MAGI2: variants seen among roughly 807,000 people sequenced by gnomAD.
The protein encoded by MAGI2 is membrane associated guanylate kinase, WW and PDZ domain containing 2.
MAGI2 carries 35 observed loss-of-function variants against 133.3 expected under a neutral mutation model. The ratio of observed to expected loss-of-function variants is 0.26; its 90% CI spans 0.20 to 0.35. MAGI2 has a LOEUF of 0.35. Ranked by LOEUF, MAGI2 falls within the 10% of genes least tolerant of loss-of-function variation. The probability of loss-of-function intolerance (pLI) is 1.00; values close to 1 mark genes in which losing one functional copy is unlikely to be tolerated. For synonymous variants in MAGI2, 729 were observed against 710.6 expected, an observed-to-expected ratio of 1.03 and a Z score of -0.41; for missense variants, 1,636 against 1,863.4, an observed-to-expected ratio of 0.88 and a Z score of 2.25.
At chr7:79,275,547 A>G (rs1029417230) in intron 1 of MAGI2, among the ~76,000 whole-genome samples, 2 of 152,218 alleles carry the variant, frequency 1.3e-5, no homozygotes, top group Non-Finnish European at 2.9e-5. Context: ...GCAGCAAGTT[A>G]TCTAGAAGAT....
chr7:78,787,960 A>G (rs1394833126), intron 2 of MAGI2, among the ~76,000 whole-genome samples: 2 of 152,240 alleles, frequency 1.3e-5, no homozygotes, highest in Admixed American at 6.5e-5. Context: ...AGAAATGATT[A>G]TAACATAGTC....
chr7:78,867,598 A>G (rs508841), intron 2 of MAGI2, among the ~76,000 whole-genome samples: 94,180 of 146,862 alleles, frequency 0.64, 30,950 homozygotes, highest in East Asian at 0.73. Context: ...GCTAGATGAC[A>G]AGTTAGTGGG....
intron 6 of MAGI2, among the ~76,000 whole-genome samples, chr7:78,417,890 T>C (rs1465594666): frequency 6.6e-6 from 1 of 152,190 alleles, no homozygotes; most frequent in African/African-American, 2.4e-5. Context: ...TCCCCATTGA[T>C]GGCAAGTTTC....
At chr7:78,235,435 T>A (rs1433275818) in intron 10 of MAGI2, among the ~76,000 whole-genome samples, 1 of 152,164 alleles carries the variant, frequency 6.6e-6, no homozygotes, top group African/African-American at 2.4e-5. Context: ...GTTCCCATAA[T>A]CTCCACGTGT....
At chr7:78,940,894 G>A (rs1049415309) in intron 2 of MAGI2, 6 of 152,132 alleles carry the variant, frequency 3.9e-5, no homozygotes, top group Admixed American at 3.9e-4. Flanking sequence ...TTCTGGAAGT[G>A]GATTATAAAG....
chr7:79,039,768 G>T (rs1811449466), intron 1 of MAGI2, among the ~76,000 whole-genome samples: 1 of 149,518 alleles, frequency 6.7e-6, no homozygotes, highest in African/African-American at 2.5e-5. Flanking sequence ...GATCACTTGA[G>T]GTTAGGAGTT....
chr7:78,065,698 T>C (rs942967175), intron 21 of MAGI2: 1 of 612,520 alleles, frequency 1.6e-6, no homozygotes, highest in Non-Finnish European at 2.9e-6. Context: ...GGACCAATCA[T>C]TAGAATTAAC....
intron 1 of MAGI2, among the ~76,000 whole-genome samples, chr7:79,264,533 T>A (rs963380936): frequency 6.6e-6 from 1 of 152,152 alleles, no homozygotes; most frequent in Non-Finnish European, 1.5e-5. Flanking sequence ...ACTACACATG[T>A]AAATTTTACA....
At chr7:78,403,214 T>C (rs1797059687) in intron 6 of MAGI2, among the ~76,000 whole-genome samples, 2 of 151,904 alleles carry the variant, frequency 1.3e-5, no homozygotes, top group Admixed American at 6.6e-5. Context: ...AGTGTTCTCA[T>C]TGTTCAATTC....
chr7:78,878,035 C>T lies in MAGI2; in HGVS notation c.418+129055G>A, dbSNP rs948354512. 3.3e-5 allele frequency among the ~76,000 whole-genome samples: 5 copies of T among 152,300 alleles called. No individual in the cohort carries two copies. The East Asian group carries it at 9.6e-4, about 29-fold the overall frequency. Reference sequence around the variant, plus strand: ...CTGAAGTCAGTGACACATTCTTTAACCTCTGTGAACCTGGCTTTCCTTTTC... The same window carrying T: ...CTGAAGTCAGTGACACATTCTTTAATCTCTGTGAACCTGGCTTTCCTTTTC... On this transcript the variant is annotated intron_variant, in intron 2 of 21. Transcript: ENST00000354212.
chr7:78,508,888 CTTT>C (rs11329362), intron 4 of MAGI2, among the ~76,000 whole-genome samples: 7 of 141,360 alleles, frequency 5.0e-5, no homozygotes, highest in South Asian at 2.3e-4. Flanking sequence ...GAAAAATAGT[CTTT>C]TTTTTTTTTT....
intron 5 of MAGI2, among the ~76,000 whole-genome samples, chr7:78,492,527 C>A (rs1328312649): frequency 1.3e-5 from 2 of 152,136 alleles, no homozygotes; most frequent in African/African-American, 4.8e-5. Flanking sequence ...CCAACCAGCT[C>A]TTCTACTTCC....
At chr7:78,215,691 T>C (rs1788203472) in intron 10 of MAGI2, among the ~76,000 whole-genome samples, 1 of 152,174 alleles carries the variant, frequency 6.6e-6, no homozygotes, top group Non-Finnish European at 1.5e-5. Context: ...TCTTTATTGA[T>C]TAGCAACCCC....
chr7:78,540,295 G>A (rs1174539372), intron 3 of MAGI2, among the ~76,000 whole-genome samples: 1 of 152,156 alleles, frequency 6.6e-6, no homozygotes, highest in Non-Finnish European at 1.5e-5. Context: ...TCAGGCCAAT[G>A]GAGTTTTCCT....
intron 3 of MAGI2, among the ~76,000 whole-genome samples, chr7:78,575,966 C>A (rs952203372): frequency 6.6e-6 from 1 of 151,858 alleles, no homozygotes; most frequent in Non-Finnish European, 1.5e-5. Flanking sequence ...ACAAACATAC[C>A]ACACTAATGC....
At chr7:78,067,358 T>C (rs1035775650) in intron 21 of MAGI2, among the ~76,000 whole-genome samples, 2 of 152,154 alleles carry the variant, frequency 1.3e-5, no homozygotes, top group Admixed American at 1.3e-4. Context: ...TAAATTGCTG[T>C]GAAGGCTGGA....
At chr7:78,520,971 A>G (rs62468573) in intron 4 of MAGI2, among the ~76,000 whole-genome samples, 8,607 of 152,276 alleles carry the variant, frequency 0.057, 287 homozygotes, top group Middle Eastern at 0.17. Flanking sequence ...GTTGTAAACT[A>G]AATCACATGA....
intron 19 of MAGI2, 86 bp from the exon 20 acceptor site, chr7:78,125,923 C>G: frequency 7.6e-7 from 1 of 1,317,792 alleles, no homozygotes; most frequent in East Asian, 2.4e-5. Flanking sequence ...CTCCTTCTGT[C>G]TCTTAGTTAA....
At chr7:78,699,888 C>A (rs946941287) in intron 2 of MAGI2, among the ~76,000 whole-genome samples, 2 of 151,970 alleles carry the variant, frequency 1.3e-5, no homozygotes, top group African/African-American at 4.8e-5. Flanking sequence ...AAATAAAATT[C>A]AGAAAATTAG....
Sources: gnomAD v4.1 joint callset for allele counts (sites outside exome capture counted in the v4.1 genomes callset) on GRCh38, gnomAD v4.1.1 for gene constraint, MANE v1.5 for transcripts, NCBI Gene and HGNC (gene_info 2026-07-23, HGNC 2026-07-21) for gene names.